Variants in QRSL1 observed in about 807,000 individuals in gnomAD.
QRSL1 encodes glutaminyl-tRNA amidotransferase subunit QRSL1, also known as glutamyl-tRNA(Gln) amidotransferase subunit A, mitochondrial.
Under a neutral mutation model 61.6 loss-of-function variants are expected in QRSL1, and 54 were observed. The observed-to-expected ratio is 0.88, with a 90% CI of 0.70 to 1.10. The LOEUF is 1.10. Among genes scored for constraint, QRSL1 ranks in the 50% least tolerant of loss-of-function variants. The pLI is 0.00. For synonymous variants in QRSL1, 228 were observed against 225.7 expected (o/e 1.01, Z -0.09); for missense variants, 505 against 622.6 (o/e 0.81, Z 2.01).
Position 106,668,105 on chromosome 6 carries a change from A to G in QRSL1, c.*2103A>G, listed in dbSNP as rs1777470282. On this transcript the variant is annotated 3_prime_UTR_variant, in exon 11 of 11. Coordinates refer to ENST00000369046, the MANE Select transcript of QRSL1 (RefSeq NM_018292.5). ...CACCACACCTGGCCGAAATAATAAT[A>G]TTCAATATTATATATTCAATGATAT... 2.6e-5 allele frequency: 4 copies of G among 152,028 alleles called. No homozygotes were observed. The highest frequency in any genetic ancestry group is 7.3e-5 in the African/African-American group (3 of 41,372). 9.4% of individuals were successfully genotyped at this position (152,028 alleles called of 1,614,324 possible).
chr6:106,649,773 G>A (rs1246104876), intron 5 of QRSL1, among the ~76,000 whole-genome samples: 1 of 152,082 alleles, frequency 6.6e-6, no homozygotes, highest in African/African-American at 2.4e-5. Context: ...ATCATACTTT[G>A]TATTTGGTAA....
chr6:106,649,280 G>A, intron 5 of QRSL1, 79 bp downstream of exon 5: 1 of 1,415,500 alleles, frequency 7.1e-7, no homozygotes. Context: ...CAATAGAGTA[G>A]TTCATATCCT....
chr6:106,635,444 G>T (rs141490216), intron 1 of QRSL1, among the ~76,000 whole-genome samples: 4 of 152,144 alleles, frequency 2.6e-5, no homozygotes, highest in Non-Finnish European at 5.9e-5. Flanking sequence ...ATCTTGATAC[G>T]CAGTTTCAAG....
chr6:106,629,800 C>G (rs1345779413), intron 1 of QRSL1, 95 bp downstream of exon 1: 8 of 1,463,404 alleles, frequency 5.5e-6, no homozygotes, highest in Non-Finnish European at 7.5e-6. Context: ...CGCATCTTGG[C>G]CCACCTCGCT....
At chr6:106,655,342 T>A (rs1039363252) in intron 8 of QRSL1, among the ~76,000 whole-genome samples, 1 of 151,910 alleles carries the variant, frequency 6.6e-6, no homozygotes, top group Non-Finnish European at 1.5e-5. Flanking sequence ...AACTTTAGTA[T>A]TGGTGACAAA....
At chr6:106,660,671 G>A (rs1336240136) in intron 9 of QRSL1, among the ~76,000 whole-genome samples, 2 of 151,522 alleles carry the variant, frequency 1.3e-5, no homozygotes, top group African/African-American at 4.9e-5. Context: ...ATAACAGAAT[G>A]CCTGAGACTG....
At chr6:106,661,115 GTTTTGTTTTT>G (rs974973201) in intron 9 of QRSL1, among the ~76,000 whole-genome samples, 3 of 146,196 alleles carry the variant, frequency 2.1e-5, no homozygotes, top group African/African-American at 4.9e-5. Flanking sequence ...GTTTTGTTTT[GTTTTGTTTTT>G]TTTTGAGACG....
rs754924939 is a variant in QRSL1 at position 106,652,509 on chromosome 6, A to G, written c.776A>G (p.His259Arg). The change falls in exon 7 of 11, where the codon CAT becomes CGT. Residue 259 changes from histidine (H) to arginine (R), a missense_variant. Physicochemically the swap from His to Arg is conservative, Grantham distance 29. Coordinates refer to ENST00000369046, the MANE Select transcript of QRSL1 (RefSeq NM_018292.5). ...GPDPRDSTTV[H>R]EPINKPFMLP... ...GACCCCAGGGACTCTACCACAGTAC[A>G]TGAACCTATTAATAAACCATTCATG... 3 of 1,614,254 alleles carry G rather than the reference A, an allele frequency of 1.9e-6. No homozygotes were observed. In the South Asian group the frequency reaches 3.3e-5, roughly 18 times the overall value.
chr6:106,657,779 C>T (rs112805766), intron 9 of QRSL1, among the ~76,000 whole-genome samples: 1 of 152,130 alleles, frequency 6.6e-6, no homozygotes, highest in Admixed American at 6.5e-5. Flanking sequence ...GATCTCAGCT[C>T]ACTGCAACCC....
chr6:106,650,851 T>C (rs894826062), intron 5 of QRSL1, among the ~76,000 whole-genome samples: 1 of 152,208 alleles, frequency 6.6e-6, no homozygotes, highest in African/African-American at 2.4e-5. Context: ...TCTTACTTTA[T>C]ACATCATATA....
intron 1 of QRSL1, among the ~76,000 whole-genome samples, chr6:106,632,898 C>G (rs918142256): frequency 1.3e-5 from 2 of 152,188 alleles, no homozygotes; most frequent in African/African-American, 2.4e-5. Flanking sequence ...TCTTATCAGG[C>G]ATTCATGCGT....
At position 106,663,199 on chromosome 6, in the gene QRSL1, A is replaced by G. The variant is rs955143999; in HGVS notation, c.1366+14A>G. ...TAAATATGGCAGGTGAGGATTCCTC[A>G]GGAACATTCTGATTTTCTTCAAATT... On this transcript the variant is annotated intron_variant, in intron 10 of 10. Transcript: ENST00000369046. 5 of 1,609,766 alleles carry G rather than the reference A, an allele frequency of 3.1e-6. No individual in the cohort carries two copies. In the African/African-American group the frequency reaches 6.7e-5, roughly 21 times the overall value.
At chr6:106,654,649 A>G in intron 7 of QRSL1, 81 bp from the exon 8 acceptor site, 1 of 1,218,512 alleles carries the variant, frequency 8.2e-7, no homozygotes, top group Non-Finnish European at 1.1e-6. Flanking sequence ...TTTTTATAAA[A>G]TCATCTATAC....
At chr6:106,642,633 C>G in intron 3 of QRSL1, 1 of 779,300 alleles carries the variant, frequency 1.3e-6, no homozygotes, top group Admixed American at 1.7e-5. Flanking sequence ...CATGGCAAAA[C>G]TGGAGAGTAC....
intron 1 of QRSL1, 104 bp downstream of exon 1, chr6:106,629,809 C>T: frequency 7.2e-7 from 1 of 1,393,358 alleles, no homozygotes; most frequent in Non-Finnish European, 9.9e-7. Flanking sequence ...GCCCACCTCG[C>T]TGCTTCCTCT....
chr6:106,643,634 C>T (rs1320931572), intron 4 of QRSL1, among the ~76,000 whole-genome samples: 2 of 150,660 alleles, frequency 1.3e-5, no homozygotes, highest in Non-Finnish European at 1.5e-5. Context: ...GAGCCGAGAT[C>T]GCGCCATTGC....
In QRSL1 at chr6:106,663,141, G is replaced by A. The variant is rs530501491; in HGVS notation, c.1322G>A (p.Arg441Gln). The change falls in exon 10 of 11, where the codon CGA (arginine) becomes CAA (glutamine). Residue 441 changes from arginine (R) to glutamine (Q), a missense_variant. Transcript: ENST00000369046. The stretch of plus-strand genomic sequence containing the variant: ...TTCATCAAAGAGGACAACAGAACCC[G>A]AAGTGCCCAGGATGATATTTTTACA... ...LEFIKEDNRT[R>Q]SAQDDIFTQA... 2.2e-5 allele frequency: 35 copies of A among 1,614,164 alleles called. 1 individual carries two copies. The highest frequency in any genetic ancestry group is 2.0e-4 in the South Asian group (18 of 91,078).
At chr6:106,651,426 A>T (rs1424254140) in intron 5 of QRSL1, among the ~76,000 whole-genome samples, 1 of 152,188 alleles carries the variant, frequency 6.6e-6, no homozygotes, top group African/African-American at 2.4e-5. Flanking sequence ...TTAAAACACA[A>T]TCTGACTCAC....
chr6:106,640,289 A>C (rs1776997394), intron 1 of QRSL1, 60 bp from the exon 2 acceptor site: 2 of 1,461,704 alleles, frequency 1.4e-6, no homozygotes, highest in Non-Finnish European at 1.9e-6. Context: ...ACCCCCACCA[A>C]TATAACAATT....
Sources: gnomAD v4.1 joint callset for allele counts (sites outside exome capture counted in the v4.1 genomes callset) on GRCh38, gnomAD v4.1.1 for gene constraint, MANE v1.5 for transcripts, NCBI Gene and HGNC (gene_info 2026-07-23, HGNC 2026-07-21) for gene names.